CBFA2T2: variants seen among roughly 807,000 people sequenced by gnomAD.
CBFA2T2 encodes the protein protein CBFA2T2.
A neutral mutation model predicts 62.2 loss-of-function variants in CBFA2T2; 11 were observed. The ratio of observed to expected loss-of-function variants is 0.18; its 90% CI spans 0.11 to 0.29. CBFA2T2 has a LOEUF of 0.29. CBFA2T2 is among the 10% of genes least tolerant of loss of function. The pLI, the probability that CBFA2T2 is intolerant of heterozygous loss-of-function variation, is 1.00. For missense variants in CBFA2T2, 592 were observed against 774.1 expected (o/e 0.76, Z 2.79); for synonymous variants, 295 against 287.5 (o/e 1.03, Z -0.27).
At chr20:33,590,038 A>AG (rs2014545920) in intron 1 of CBFA2T2, among the ~76,000 whole-genome samples, 1 of 151,878 alleles carries the variant, frequency 6.6e-6, no homozygotes, top group Non-Finnish European at 1.5e-5. Context: ...GGATCACTTG[A>AG]GGCCAGGAGT....
chr20:33,528,881 A>G (rs1471289128), intron 1 of CBFA2T2, among the ~76,000 whole-genome samples: 1 of 152,176 alleles, frequency 6.6e-6, no homozygotes, highest in Non-Finnish European at 1.5e-5. Flanking sequence ...TAATTTGCCT[A>G]AGAACCAACT....
In CBFA2T2 at chr20:33,621,287, C is replaced by CTT. The variant is rs199805350; in HGVS notation, c.510+1706_510+1707dup. On this transcript the variant is annotated intron_variant, in intron 4 of 10. Coordinates refer to ENST00000342704, the MANE Select transcript of CBFA2T2 (RefSeq NM_001032999.3). ...TCTATAATACCTTTAATTTTACTGC[C>CTT]TTTTTTTTTTTTTTTTTTTTTTTTT... Among the ~76,000 whole-genome samples the CTT allele has an allele frequency of 1.2e-3, 99 of 85,304 alleles. 6 individuals are homozygous for CTT. The highest frequency in any genetic ancestry group is 7.0e-3 in the East Asian group (17 of 2,416). The allele number at this position is 85,304 out of a possible 152,430, so 56.0% of individuals were successfully genotyped here.
chr20:33,573,765 C>A (rs1050243403), intron 1 of CBFA2T2, among the ~76,000 whole-genome samples: 7 of 152,006 alleles, frequency 4.6e-5, no homozygotes, highest in African/African-American at 7.3e-5. Context: ...CAGGCTTGAG[C>A]CACCACACCC....
rs555466860 is a variant in CBFA2T2 at position 33,510,214 on chromosome 20, GT to G, written c.34+19926del. 3.8e-3 allele frequency among the ~76,000 whole-genome samples: 539 copies of G among 140,748 alleles called. 2 individuals are homozygous for G. Among genetic ancestry groups the G allele is most frequent in the Non-Finnish European group, 5.7e-3 (365 of 64,166 alleles). The allele number at this position is 140,748 out of a possible 152,430, so 92.3% of individuals were successfully genotyped here. ...ATGTGCCACTTTTTCTTTTTTTCTTGTTTTTTTTTTTTTGGAGACAGAGTCT... is the reference window on the plus strand; with the variant it reads ...ATGTGCCACTTTTTCTTTTTTTCTTGTTTTTTTTTTTTGGAGACAGAGTCT... On this transcript the variant is annotated intron_variant, in intron 1 of 10. Transcript: ENST00000342704.
intron 1 of CBFA2T2, among the ~76,000 whole-genome samples, chr20:33,582,465 G>T (rs1205069519): frequency 6.7e-6 from 1 of 150,120 alleles, no homozygotes; most frequent in Non-Finnish European, 1.5e-5. Flanking sequence ...TCCAGCCTGG[G>T]CAACAAGAGC....
intron 1 of CBFA2T2, among the ~76,000 whole-genome samples, chr20:33,506,619 T>C (rs933387923): frequency 1.3e-5 from 2 of 152,220 alleles, no homozygotes; most frequent in African/African-American, 4.8e-5. Flanking sequence ...ATAAAAACTT[T>C]TAAACAGATG....
intron 1 of CBFA2T2, among the ~76,000 whole-genome samples, chr20:33,572,076 A>C (rs1156915043): frequency 6.6e-6 from 1 of 152,176 alleles, no homozygotes; most frequent in Non-Finnish European, 1.5e-5. Context: ...CATTGTTACT[A>C]GAGACGGGGT....
intron 1 of CBFA2T2, among the ~76,000 whole-genome samples, chr20:33,534,243 A>G (rs894325175): frequency 1.3e-5 from 2 of 152,158 alleles, no homozygotes; most frequent in African/African-American, 4.8e-5. Flanking sequence ...TACCATCTAT[A>G]TATCTTCTTT....
intron 1 of CBFA2T2, among the ~76,000 whole-genome samples, chr20:33,494,252 T>C (rs2011172520): frequency 5.8e-5 from 4 of 69,408 alleles, no homozygotes; most frequent in African/African-American, 2.6e-4. Context: ...TGTATATATA[T>C]ATATATATAT....
chr20:33,543,564 G>A (rs1215428936), intron 1 of CBFA2T2, among the ~76,000 whole-genome samples: 1 of 152,158 alleles, frequency 6.6e-6, no homozygotes, highest in African/African-American at 2.4e-5. Flanking sequence ...CATGGAGAAG[G>A]CAACAGGAGC....
intron 1 of CBFA2T2, among the ~76,000 whole-genome samples, chr20:33,582,112 T>G (rs956274305): frequency 6.6e-6 from 1 of 152,204 alleles, no homozygotes; most frequent in South Asian, 2.1e-4. Context: ...CATGAACTCC[T>G]TGAAGGTTGG....
At chr20:33,614,955 T>C (rs538382937) in intron 3 of CBFA2T2, among the ~76,000 whole-genome samples, 1 of 152,360 alleles carries the variant, frequency 6.6e-6, no homozygotes, top group South Asian at 2.1e-4. Context: ...AGGCCTACTA[T>C]GTTAACTCTT....
At chr20:33,584,458 T>C (rs1481530827) in intron 1 of CBFA2T2, among the ~76,000 whole-genome samples, 2 of 151,612 alleles carry the variant, frequency 1.3e-5, no homozygotes, top group African/African-American at 4.9e-5. Context: ...GGTTTCACCA[T>C]GTGTTTGCCA....
At chr20:33,582,443 A>G (rs910324555) in intron 1 of CBFA2T2, among the ~76,000 whole-genome samples, 1 of 151,848 alleles carries the variant, frequency 6.6e-6, no homozygotes, top group African/African-American at 2.4e-5. Flanking sequence ...AGCCGAGACC[A>G]CGCCATTGCA....
At chr20:33,495,128 T>C (rs1346781478) in intron 1 of CBFA2T2, among the ~76,000 whole-genome samples, 1 of 152,006 alleles carries the variant, frequency 6.6e-6, no homozygotes, top group Non-Finnish European at 1.5e-5. Context: ...CTGGGTATGG[T>C]GGCTCGCGCC....
chr20:33,585,680 T>C (rs1177609013), intron 1 of CBFA2T2, among the ~76,000 whole-genome samples: 1 of 152,358 alleles, frequency 6.6e-6, no homozygotes, highest in East Asian at 1.9e-4. Context: ...AATTGAATGT[T>C]GGTACCTTGA....
intron 1 of CBFA2T2, among the ~76,000 whole-genome samples, chr20:33,516,757 A>G (rs765675794): frequency 1.4e-4 from 21 of 152,204 alleles, no homozygotes; most frequent in Admixed American, 3.3e-4. Context: ...CACATCTGTA[A>G]TACTCACGCA....
At chr20:33,521,333 A>G (rs890497439) in intron 1 of CBFA2T2, among the ~76,000 whole-genome samples, 2 of 152,182 alleles carry the variant, frequency 1.3e-5, no homozygotes, top group African/African-American at 2.4e-5. Flanking sequence ...GTTAATGACA[A>G]CCAAATTTGT....
chr20:33,528,910 C>T (rs2011964382), intron 1 of CBFA2T2, among the ~76,000 whole-genome samples: 1 of 152,198 alleles, frequency 6.6e-6, no homozygotes, highest in South Asian at 2.1e-4. Context: ...CTGTTCCAGC[C>T]AGTACCAAGT....
Sources: allele counts gnomAD v4.1 joint callset (sites outside exome capture counted in the v4.1 genomes callset), GRCh38; gene constraint gnomAD v4.1.1; transcripts MANE v1.5; gene names NCBI Gene and HGNC (gene_info 2026-07-23, HGNC 2026-07-21).